The following EEF1AKMT2 variants were observed in gnomAD, a reference collection of about 807,000 sequenced individuals.
EEF1AKMT2 encodes the protein eukaryotic translation elongation factor 1 alpha lysine methyltransferase 2.
EEF1AKMT2 carries 32 observed loss-of-function variants against 35.8 expected under a neutral mutation model. The ratio of observed to expected loss-of-function variants is 0.89; its 90% confidence interval spans 0.67 to 1.20. EEF1AKMT2 has a LOEUF of 1.20. Ranked by LOEUF, EEF1AKMT2 falls within the 50% of genes most tolerant of loss-of-function variation. The pLI is 0.00. For synonymous variants in EEF1AKMT2, 121 were observed against 133.7 expected, an observed-to-expected ratio of 0.91 and a Z score of 0.65; for missense variants, 330 against 347.5, an observed-to-expected ratio of 0.95 and a Z score of 0.40.
chr10:124,785,998 G>A (rs557566430), intron 3 of EEF1AKMT2, among the ~76,000 whole-genome samples: 3 of 150,852 alleles, frequency 2.0e-5, no homozygotes, highest in South Asian at 2.1e-4. Flanking sequence ...AATTAAAACC[G>A]TAAGAAGCTA....
rs754443902 is a variant in EEF1AKMT2, at chr10:124,769,218, C to CACAAAAAAAAAAAAAAAAA, written c.400-3611_400-3610insTTTTTTTTTTTTTTTTTGT. Among the ~76,000 whole-genome samples, 309 of 31,272 alleles carry CACAAAAAAAAAAAAAAAAA rather than the reference C, an allele frequency of 9.9e-3. 115 individuals are homozygous for CACAAAAAAAAAAAAAAAAA. The highest frequency in any genetic ancestry group is 0.016 in the African/African-American group (140 of 8,510). The allele number at this position is 31,272 out of a possible 152,430, so 20.5% of individuals were successfully genotyped here. ...GGGCTACAGGGCAAGACACTGTCTC[C>CACAAAAAAAAAAAAAAAAA]AAAAAAAAAAAAAAAATATATATAT... On this transcript the variant is annotated intron_variant, in intron 4 of 6. Transcript: ENST00000368836.
intron 4 of EEF1AKMT2, among the ~76,000 whole-genome samples, chr10:124,772,163 C>T (rs1034332783): frequency 6.6e-6 from 1 of 152,076 alleles, no homozygotes; most frequent in Admixed American, 6.6e-5. Flanking sequence ...GCTGCATTAG[C>T]CCCCTCTAAC....
intron 3 of EEF1AKMT2, among the ~76,000 whole-genome samples, chr10:124,779,068 C>A (rs991581180): frequency 6.6e-6 from 1 of 151,942 alleles, no homozygotes; most frequent in Non-Finnish European, 1.5e-5. Context: ...ACACCAACAC[C>A]TAATAAGTTT....
intron 4 of EEF1AKMT2, among the ~76,000 whole-genome samples, chr10:124,771,985 A>C (rs996128019): frequency 1.3e-5 from 2 of 152,222 alleles, no homozygotes; most frequent in African/African-American, 4.8e-5. Flanking sequence ...GTAGGTCTCA[A>C]AAATGGGCTT....
chr10:124,774,621 C>A, intron 4 of EEF1AKMT2, 54 bp downstream of exon 4: 1 of 937,420 alleles, frequency 1.1e-6, no homozygotes, highest in Non-Finnish European at 1.4e-6. Context: ...TTAATATGCT[C>A]TAGAAACATT....
Position 124,760,395 on chromosome 10 carries a change from T to C in EEF1AKMT2, c.*108A>G. On this transcript the variant is annotated 3_prime_UTR_variant, in exon 7 of 7. Coordinates refer to ENST00000368836, the MANE Select transcript of EEF1AKMT2 (RefSeq NM_212554.4). ...GATTCTGTGTAGCTACCTGAATTCG[T>C]CCAAGAAAAAGTCTCACATTTTTTG... The C allele has an allele frequency of 1.9e-6, 3 of 1,588,584 alleles. No individual in the cohort carries two copies. Among genetic ancestry groups the C allele is most frequent in the South Asian group, 2.2e-5 (2 of 89,624 alleles).
intron 3 of EEF1AKMT2, among the ~76,000 whole-genome samples, chr10:124,782,353 C>A (rs919433752): frequency 6.6e-6 from 1 of 151,752 alleles, no homozygotes; most frequent in Non-Finnish European, 1.5e-5. Flanking sequence ...GAGGCCGAGG[C>A]GGGAGGATCA....
At chr10:124,774,079 T>C (rs1950463479) in intron 4 of EEF1AKMT2, among the ~76,000 whole-genome samples, 1 of 152,146 alleles carries the variant, frequency 6.6e-6, no homozygotes, top group Admixed American at 6.5e-5. Context: ...TAAAACCTTT[T>C]GATGTGGGCA....
chr10:124,756,855 A>G (rs1042014573), downstream of EEF1AKMT2, among the ~76,000 whole-genome samples: 7 of 152,230 alleles, frequency 4.6e-5, no homozygotes, highest in Non-Finnish European at 1.0e-4. Flanking sequence ...AATTGACCAA[A>G]GAATTTCAAA....
At chr10:124,786,305 GAC>G (rs750948140) in intron 3 of EEF1AKMT2, among the ~76,000 whole-genome samples, 1 of 152,064 alleles carries the variant, frequency 6.6e-6, no homozygotes, top group Non-Finnish European at 1.5e-5. Flanking sequence ...AGGAGATCGA[GAC>G]CATCCCAGCT....
At chr10:124,772,532 G>A (rs552909900) in intron 4 of EEF1AKMT2, among the ~76,000 whole-genome samples, 21 of 148,854 alleles carry the variant, frequency 1.4e-4, no homozygotes, top group Middle Eastern at 3.4e-3. Context: ...AGGTTCAAGC[G>A]GTTCTCCTAC....
intron 4 of EEF1AKMT2, among the ~76,000 whole-genome samples, chr10:124,773,983 T>C (rs1436883997): frequency 6.6e-6 from 1 of 152,168 alleles, no homozygotes; most frequent in East Asian, 1.9e-4. Context: ...GCTAGAAATG[T>C]AAATTTAGGA....
intron 3 of EEF1AKMT2, among the ~76,000 whole-genome samples, chr10:124,775,264 T>C (rs1290451751): frequency 2.0e-5 from 3 of 152,264 alleles, no homozygotes; most frequent in African/African-American, 7.2e-5. Flanking sequence ...ATTCTACATT[T>C]GTATACTACT....
At chr10:124,756,440 T>C (rs1051211946), downstream of EEF1AKMT2, among the ~76,000 whole-genome samples, 2 of 152,356 alleles carry the variant, frequency 1.3e-5, no homozygotes, top group Non-Finnish European at 2.9e-5. Context: ...AGGATATTGA[T>C]ACATTCATGT....
intron 6 of EEF1AKMT2, among the ~76,000 whole-genome samples, chr10:124,761,857 G>T (rs1270176523): frequency 1.3e-5 from 2 of 152,220 alleles, no homozygotes; most frequent in Admixed American, 6.5e-5. Context: ...GGATGATGGA[G>T]GCTGTGGTAA....
At chr10:124,769,248 A>ATATATG (rs60863408) in intron 4 of EEF1AKMT2, among the ~76,000 whole-genome samples, 7,292 of 63,696 alleles carry the variant, frequency 0.11, 702 homozygotes, top group Non-Finnish European at 0.16. Flanking sequence ...ATATATATAT[A>ATATATG]TGTGTGTATA....
At chr10:124,789,898 AT>A (rs11443011) in intron 2 of EEF1AKMT2, among the ~76,000 whole-genome samples, 2 of 148,294 alleles carry the variant, frequency 1.3e-5, no homozygotes, top group African/African-American at 4.9e-5. Flanking sequence ...GAATATATGC[AT>A]TTTTTTTTTT....
At position 124,771,863 on chromosome 10, in the gene EEF1AKMT2, C is replaced by T. The variant is rs75111876; in HGVS notation, c.399+2812G>A. Among the ~76,000 whole-genome samples the T allele has an allele frequency of 6.7e-3, 1,014 of 151,612 alleles. 18 individuals carry two copies. The highest frequency in any genetic ancestry group is 0.023 in the African/African-American group (966 of 41,378). On this transcript the variant is annotated intron_variant, in intron 4 of 6. Coordinates refer to ENST00000368836, the MANE Select transcript of EEF1AKMT2 (RefSeq NM_212554.4). ...CAGCCTGGGTGATAGAACAAGACTC[C>T]GTCTCAAAAAAAAACAAGATTAATC...
intron 4 of EEF1AKMT2, among the ~76,000 whole-genome samples, chr10:124,771,381 G>A (rs999549904): frequency 4.0e-5 from 6 of 151,724 alleles, no homozygotes; most frequent in African/African-American, 1.2e-4. Context: ...TTACAGGCGT[G>A]AGCCACCGCG....
Sources: gnomAD v4.1 joint callset for allele counts (sites outside exome capture counted in the v4.1 genomes callset) on GRCh38, gnomAD v4.1.1 for gene constraint, MANE v1.5 for transcripts, NCBI Gene and HGNC (gene_info 2026-07-23, HGNC 2026-07-21) for gene names.